Variants in PARD3 observed in about 807,000 individuals in gnomAD.
The protein encoded by PARD3 is par-3 family cell polarity regulator.
A neutral mutation model predicts 155.4 loss-of-function variants in PARD3; 75 were observed. The ratio of observed to expected loss-of-function variants is 0.48; its 90% confidence interval spans 0.40 to 0.58. PARD3 has a LOEUF of 0.58. PARD3 is among the 20% of genes least tolerant of loss of function. The pLI is 0.00. For missense variants in PARD3, 1,642 were observed against 1,721.7 expected, an observed-to-expected ratio of 0.95 and a Z score of 0.82; for synonymous variants, 576 against 610.5, an observed-to-expected ratio of 0.94 and a Z score of 0.83.
chr10:34,759,602 C>T (rs913389517), intron 1 of PARD3, among the ~76,000 whole-genome samples: 1 of 152,158 alleles, frequency 6.6e-6, no homozygotes, highest in East Asian at 1.9e-4. Flanking sequence ...AAAAAGTATT[C>T]ATATAAAACA....
Position 34,491,403 on chromosome 10 carries a change from T to A in PARD3, c.404-21140A>T, listed in dbSNP as rs531568586. On this transcript the variant is annotated intron_variant, in intron 3 of 24. Coordinates refer to ENST00000374788, the MANE Select transcript of PARD3 (RefSeq NM_001184785.2). ...CTAACTTTAATTTGAAAAAGTTATA[T>A]AGAAATAATTGTTTTTCTACTTATC... Among the ~76,000 whole-genome samples the A allele has an allele frequency of 5.9e-5, 9 of 152,352 alleles. No homozygotes were observed. The South Asian group carries it at 1.9e-3, about 32-fold the overall frequency.
At chr10:34,223,872 C>T (rs1403153532) in intron 22 of PARD3, among the ~76,000 whole-genome samples, 1 of 152,326 alleles carries the variant, frequency 6.6e-6, no homozygotes, top group East Asian at 1.9e-4. Flanking sequence ...GTCACACACT[C>T]AAGGACACAC....
At chr10:34,139,395 C>A (rs965006224) in intron 22 of PARD3, among the ~76,000 whole-genome samples, 3 of 152,144 alleles carry the variant, frequency 2.0e-5, no homozygotes, top group African/African-American at 7.2e-5. Flanking sequence ...CAAGATCCAG[C>A]CCATTAGTAA....
chr10:34,482,995 A>C (rs75530126), intron 3 of PARD3, among the ~76,000 whole-genome samples: 2 of 114,850 alleles, frequency 1.7e-5, no homozygotes, highest in South Asian at 2.2e-4. Context: ...CTAAAAATAC[A>C]AAAAAAAAAA....
chr10:34,117,504 T>A (rs893932801), intron 24 of PARD3, among the ~76,000 whole-genome samples: 1 of 152,150 alleles, frequency 6.6e-6, no homozygotes. Context: ...CCAACCTTGA[T>A]GTCTAATTCT....
intron 22 of PARD3, among the ~76,000 whole-genome samples, chr10:34,254,925 C>T (rs1028793252): frequency 1.6e-4 from 25 of 152,030 alleles, no homozygotes; most frequent in Admixed American, 1.4e-3. Context: ...GACTTTAAAC[C>T]CTTGACTATT....
chr10:34,187,133 C>T (rs1950525049), intron 22 of PARD3, among the ~76,000 whole-genome samples: 1 of 151,950 alleles, frequency 6.6e-6, no homozygotes. Flanking sequence ...TTTGGGGGTC[C>T]CAGGGGTACA....
chr10:34,496,219 G>GA lies in PARD3; in HGVS notation c.403+20759dup, dbSNP rs1225519299. 2.5e-3 allele frequency among the ~76,000 whole-genome samples: 297 copies of GA among 119,562 alleles called. 1 individual carries two copies. The highest frequency in any genetic ancestry group is 8.2e-3 in the Middle Eastern group (2 of 244). The allele number at this position is 119,562 out of a possible 152,430, so 78.4% of individuals were successfully genotyped here. The stretch of plus-strand genomic sequence containing the variant: ...ACCATGTCTCAAAAGGGAAGAAGAA[G>GA]AAAAAAAAAAAAGAAACAAAAACAA... On this transcript the variant is annotated intron_variant, in intron 3 of 24. Transcript: ENST00000374788.
intron 22 of PARD3, among the ~76,000 whole-genome samples, chr10:34,165,094 A>G (rs975589239): frequency 6.6e-6 from 1 of 152,156 alleles, no homozygotes; most frequent in African/African-American, 2.4e-5. Context: ...AGACTAAAAA[A>G]AAAAGGTTCC....
At chr10:34,674,433 A>G (rs1393468848) in intron 2 of PARD3, among the ~76,000 whole-genome samples, 1 of 149,586 alleles carries the variant, frequency 6.7e-6, no homozygotes, top group Admixed American at 6.6e-5. Flanking sequence ...CTGTAACACT[A>G]CAGCCTCAAT....
intron 1 of PARD3, among the ~76,000 whole-genome samples, chr10:34,720,668 A>G (rs1423728989): frequency 6.6e-6 from 1 of 151,842 alleles, no homozygotes; most frequent in Non-Finnish European, 1.5e-5. Context: ...GTGGTAGCAC[A>G]TGCCTGTAAT....
At position 34,367,696 on chromosome 10, in the gene PARD3, TG is replaced by T. The variant is rs778862812; in HGVS notation, c.1707+4801del. On this transcript the variant is annotated intron_variant, in intron 12 of 24. Coordinates refer to ENST00000374788, the MANE Select transcript of PARD3 (RefSeq NM_001184785.2). The stretch of plus-strand genomic sequence containing the variant: ...CCAGCCTGGGCAACAGAGTGAGACT[TG>T]GTCACACACACACATACACACACAC... 4.6e-5 allele frequency among the ~76,000 whole-genome samples: 7 copies of T among 151,802 alleles called. No homozygotes were observed. In the East Asian group the frequency reaches 5.8e-4, roughly 13 times the overall value.
intron 24 of PARD3, among the ~76,000 whole-genome samples, chr10:34,116,936 G>A (rs1209545264): frequency 2.0e-5 from 3 of 152,210 alleles, no homozygotes; most frequent in Non-Finnish European, 4.4e-5. Flanking sequence ...AGATGTCGGG[G>A]CTCAGAGTAA....
intron 16 of PARD3, among the ~76,000 whole-genome samples, chr10:34,340,424 T>C (rs1180814467): frequency 6.6e-6 from 1 of 152,204 alleles, no homozygotes; most frequent in Non-Finnish European, 1.5e-5. Flanking sequence ...GTTTTTACTT[T>C]ATATTGTAGT....
intron 2 of PARD3, among the ~76,000 whole-genome samples, chr10:34,546,819 C>A (rs1478581236): frequency 6.6e-6 from 1 of 152,108 alleles, no homozygotes; most frequent in Admixed American, 6.5e-5. Flanking sequence ...TTAATGTATT[C>A]TTTAGGCTAA....
rs936103408 is a variant in PARD3, at chr10:34,377,569, G to A, written c.1539+398C>T. Among the ~76,000 whole-genome samples the A allele has an allele frequency of 9.2e-5, 14 of 152,060 alleles. 1 individual carries two copies. In the East Asian group the frequency reaches 2.3e-3, roughly 25 times the overall value. Reference sequence around the variant, plus strand: ...TGTGCCACTGCACTCCAGCCTGGGCGACAGAGCGAGACTCCATCTCATAAA... The same window carrying A: ...TGTGCCACTGCACTCCAGCCTGGGCAACAGAGCGAGACTCCATCTCATAAA... On this transcript the variant is annotated intron_variant, in intron 10 of 24. Coordinates refer to ENST00000374788, the MANE Select transcript of PARD3 (RefSeq NM_001184785.2).
chr10:34,674,601 C>T (rs2093670460), intron 2 of PARD3, among the ~76,000 whole-genome samples: 1 of 151,658 alleles, frequency 6.6e-6, no homozygotes, highest in Non-Finnish European at 1.5e-5. Flanking sequence ...ATTCTCCTGC[C>T]TCAGGCTCCC....
intron 3 of PARD3, among the ~76,000 whole-genome samples, chr10:34,496,618 G>A (rs2080307783): frequency 6.6e-6 from 1 of 152,206 alleles, no homozygotes; most frequent in Admixed American, 6.5e-5. Flanking sequence ...GATGGATTCA[G>A]CGAAGTCAAG....
intron 22 of PARD3, among the ~76,000 whole-genome samples, chr10:34,222,850 T>C (rs1318639191): frequency 1.3e-5 from 2 of 152,202 alleles, no homozygotes; most frequent in Non-Finnish European, 2.9e-5. Flanking sequence ...TCTTAAGCAT[T>C]TGCTAGCTTT....
Sources: gnomAD v4.1 joint callset for allele counts (sites outside exome capture counted in the v4.1 genomes callset) on GRCh38, gnomAD v4.1.1 for gene constraint, MANE v1.5 for transcripts, NCBI Gene and HGNC (gene_info 2026-07-23, HGNC 2026-07-21) for gene names.